Variants in TSPYL2 observed in about 807,000 individuals in gnomAD.
TSPYL2 encodes TSPY like 2, also known as testis-specific Y-encoded-like protein 2.
In TSPYL2, 9 loss-of-function variants were observed where a neutral mutation model predicts 33.0. The ratio of observed to expected loss-of-function variants is 0.27; its 90% CI spans 0.16 to 0.48. The LOEUF (loss-of-function observed/expected upper bound fraction) is 0.48, where lower values mean the gene tolerates loss of function less well. TSPYL2 is among the 20% of genes least tolerant of loss of function. The probability of loss-of-function intolerance (pLI) is 0.99; values close to 1 mark genes in which losing one functional copy is unlikely to be tolerated. For missense variants in TSPYL2, 636 were observed against 586.2 expected (o/e 1.08, Z -0.88); for synonymous variants, 330 against 233.6 (o/e 1.41, Z -3.77).
In TSPYL2 at chrX:53,084,565, T is replaced by A; in HGVS notation, c.828T>A (p.Ile276=). 3 of 1,175,243 alleles carry A rather than the reference T, an allele frequency of 2.6e-6. No homozygotes were observed. The highest frequency in any genetic ancestry group is 2.3e-6 in the Non-Finnish European group (2 of 876,066). Residue 276 remains isoleucine (I), a synonymous_variant, in exon 2 of 7, where the codon ATT becomes ATA. Transcript: ENST00000375442. ...WVKAFLNHPR[I]SILINRRDED... is the part of the protein sequence containing the mutation. ...ATCAGTTCCTCAACCACCCCAGAAT[T>A]TCAATTTTGATCAACCGACGTGATG...
At chrX:53,083,782 C>G (rs1254014528) in intron 1 of TSPYL2, among the ~76,000 whole-genome samples, 2 of 110,869 alleles carry the variant, frequency 1.8e-5, no homozygotes, top group Non-Finnish European at 3.8e-5. Flanking sequence ...CTCTGTAAAC[C>G]TAGATTTTTG....
intron 6 of TSPYL2, 164 bp from the exon 7 acceptor site, chrX:53,087,612 A>T (rs1483634697): frequency 1.3e-5 from 6 of 479,403 alleles, no homozygotes; most frequent in Non-Finnish European, 2.1e-5. Flanking sequence ...GCTTGAGTAC[A>T]CCCACACACA....
chrX:53,085,879 A>G lies in TSPYL2; in HGVS notation c.1487A>G (p.Asn496Ser), dbSNP rs1556808459. 1 of 1,209,763 alleles carries G rather than the reference A, an allele frequency of 8.3e-7. No homozygotes were observed. The highest frequency in any genetic ancestry group is 1.8e-5 in the African/African-American group (1 of 57,035). ...EVPNNETTDNNESADDHETTD... is the reference protein window; with the variant it reads ...EVPNNETTDNSESADDHETTD... ...CCCAACAACGAGACCACTGATAACA[A>G]CGAGAGTGCTGATGACCACGAAACC... Residue 496 changes from asparagine to serine, a missense_variant, in exon 6 of 7, where the codon AAC becomes AGC. Around this residue, in one of 3 missense-constraint regions of TSPYL2, gnomAD observed 401 missense variants for 363.0 expected, o/e 1.10. Coordinates refer to ENST00000375442, the MANE Select transcript of TSPYL2 (RefSeq NM_022117.4).
At chrX:53,085,192 A>G (rs1556808125) in intron 4 of TSPYL2, 35 bp from the exon 5 acceptor site, 2 of 1,186,814 alleles carry the variant, frequency 1.7e-6, no homozygotes, top group Non-Finnish European at 1.1e-6. Flanking sequence ...GCTTGTACTA[A>G]TGGCTGTCTT....
Position 53,082,396 on chromosome X carries a change from G to T in TSPYL2, c.-103G>T, listed in dbSNP as rs979235693. On this transcript the variant is annotated 5_prime_UTR_variant, in exon 1 of 7. Coordinates refer to ENST00000375442, the MANE Select transcript of TSPYL2 (RefSeq NM_022117.4). ...CGAGGTGGTGAGGAGAGCTGGTTGC[G>T]TGAGTCTCCTCAGCTCTGCTTACCG... 34 of 803,208 alleles carry T rather than the reference G, an allele frequency of 4.2e-5. 1 individual carries two copies. The highest frequency in any genetic ancestry group is 8.4e-5 in the Admixed American group (2 of 23,721). The allele number at this position is 803,208 out of a possible 1,213,427, so 66.2% of individuals were successfully genotyped here.
At position 53,087,749 on chromosome X, in the gene TSPYL2, C is replaced by T. The variant is rs782606913; in HGVS notation, c.1919-27C>T. 11 of 1,187,464 alleles carry T rather than the reference C, an allele frequency of 9.3e-6. No individual in the cohort carries two copies. The Admixed American group carries it at 1.2e-4, about 13-fold the overall frequency. On this transcript the variant is annotated intron_variant, in intron 6 of 6. Coordinates refer to ENST00000375442, the MANE Select transcript of TSPYL2 (RefSeq NM_022117.4). Reference sequence around the variant, plus strand: ...CTCATCTAACTGCCTTCCTCCATTTCCCCTTCCTTGCTTCTCCCCTATGCA... The same window carrying T: ...CTCATCTAACTGCCTTCCTCCATTTTCCCTTCCTTGCTTCTCCCCTATGCA...
At chrX:53,086,715 G>A (rs1932771330) in intron 6 of TSPYL2, 1 of 168,513 alleles carries the variant, frequency 5.9e-6, no homozygotes, top group Admixed American at 7.9e-5. Flanking sequence ...AGTGAACAGT[G>A]TGCTCTCTGA....
intron 6 of TSPYL2, 172 bp from the exon 7 acceptor site, chrX:53,087,604 T>C (rs1388367964): frequency 2.2e-6 from 1 of 460,618 alleles, no homozygotes; most frequent in East Asian, 3.7e-5. Context: ...GTGGGCTTGC[T>C]TGAGTACACC....
intron 1 of TSPYL2, 110 bp from the exon 2 acceptor site, chrX:53,084,435 C>A: frequency 1.5e-6 from 1 of 659,174 alleles, no homozygotes; most frequent in Non-Finnish European, 2.3e-6. Context: ...ACCACATAAG[C>A]ACAGAAGGAA....
At chrX:53,083,743 C>T (rs1315302469) in intron 1 of TSPYL2, among the ~76,000 whole-genome samples, 1 of 110,749 alleles carries the variant, frequency 9.0e-6, no homozygotes, top group African/African-American at 3.3e-5. Flanking sequence ...AGAGAAACTG[C>T]CCAGAAAGGG....
rs781871680 is a variant in TSPYL2 at position 53,082,566 on chromosome X, G to T, written c.68G>T (p.Arg23Leu). 15 of 1,152,226 alleles carry T rather than the reference G, an allele frequency of 1.3e-5. No individual in the cohort carries two copies. The South Asian group carries it at 2.7e-4, about 21-fold the overall frequency. 95.0% of individuals were successfully genotyped at this position (1,152,226 alleles called of 1,213,427 possible). A position where few individuals can be genotyped will look rare whatever the true frequency, so the allele number is the denominator to read the frequency against. ...RRLSSSESPQRDPPPPPPPPP... is the reference protein window; with the variant it reads ...RRLSSSESPQLDPPPPPPPPP... ...CTGAGCAGCTCCGAGTCTCCACAGC[G>T]CGACCCGCCCCCGCCGCCGCCGCCG... is the stretch of plus-strand genomic sequence containing the variant. The change falls in exon 1 of 7, where the codon CGC (arginine) becomes CTC (leucine). Residue 23 changes from arginine (R) to leucine (L), a missense_variant. By Grantham distance (102) the Arg-to-Leu change is moderately radical. This residue lies in a region of TSPYL2 where 231 missense variants were observed against 201.6 expected (regional missense o/e 1.15). Transcript: ENST00000375442.
Position 53,082,765 on chromosome X carries a change from G to C in TSPYL2, c.267G>C (p.Thr89=). ...AGGGGGGGATCCGCGCATACTTCAC[G>C]CTCGGTGCTGAGTGTCCCGGCTGGG... ...LEEGGIRAYF[T]LGAECPGWDS... The change falls in exon 1 of 7, where the codon ACG becomes ACC. Residue 89 remains threonine (T), a synonymous_variant. Coordinates refer to ENST00000375442, the MANE Select transcript of TSPYL2 (RefSeq NM_022117.4). The C allele has an allele frequency of 8.4e-7, 1 of 1,188,504 alleles. No homozygotes were observed. Among genetic ancestry groups the C allele is most frequent in the Non-Finnish European group, 1.1e-6 (1 of 885,998 alleles).
chrX:53,083,116 G>T lies in TSPYL2; in HGVS notation c.618G>T (p.Glu206Asp). 8.3e-7 allele frequency: 1 copy of T among 1,210,512 alleles called. No individual in the cohort carries two copies. Among genetic ancestry groups the T allele is most frequent in the South Asian group, 1.8e-5 (1 of 56,809 alleles). ...KQRKVKRESR[E>D]RNAERMESIL... Reference sequence around the variant, plus strand: ...GGAAGGTGAAGAGGGAAAGCAGAGAGAGAAATGCCGAGAGGATGGAGAGCA... The same window carrying T: ...GGAAGGTGAAGAGGGAAAGCAGAGATAGAAATGCCGAGAGGATGGAGAGCA... Residue 206 changes from glutamate (E) to aspartate (D), a missense_variant, in exon 1 of 7, where the codon GAG becomes GAT. Around this residue, in one of 3 missense-constraint regions of TSPYL2, gnomAD observed 231 missense variants for 201.6 expected, o/e 1.15. Coordinates refer to ENST00000375442, the MANE Select transcript of TSPYL2 (RefSeq NM_022117.4).
At position 53,085,278 on chromosome X, in the gene TSPYL2, A is replaced by G. The variant is rs1556808164; in HGVS notation, c.1195A>G (p.Arg399Gly). ...VNPLRYYLRERGSRIKRKKQE... is the reference protein window; with the variant it reads ...VNPLRYYLREGGSRIKRKKQE... ...CCCTCTACGCTACTACCTGAGAGAA[A>G]GGGGCTCCAGGATAAAGAGAAAGAA... Residue 399 changes from arginine (R) to glycine (G), a missense_variant, in exon 5 of 7, where the codon AGG becomes GGG. By Grantham distance (125) the Arg-to-Gly change is moderately radical. This residue lies in a region of TSPYL2 where 401 missense variants were observed against 363.0 expected (regional missense o/e 1.10). Coordinates refer to ENST00000375442, the MANE Select transcript of TSPYL2 (RefSeq NM_022117.4). 17 of 1,207,832 alleles carry G rather than the reference A, an allele frequency of 1.4e-5. No individual in the cohort carries two copies. The highest frequency in any genetic ancestry group is 3.5e-5 in the African/African-American group (2 of 57,125).
chrX:53,085,730 A>G lies in TSPYL2; in HGVS notation c.1338A>G (p.Thr446=), dbSNP rs782800669. The G allele has an allele frequency of 2.7e-5, 33 of 1,211,426 alleles. No homozygotes were observed. The highest frequency in any genetic ancestry group is 3.7e-5 in the Non-Finnish European group (33 of 895,069). The change falls in exon 6 of 7, where the codon ACA becomes ACG. Residue 446 remains threonine, a synonymous_variant. Coordinates refer to ENST00000375442, the MANE Select transcript of TSPYL2 (RefSeq NM_022117.4). The part of the protein sequence containing the change: ...IFSEISDIDE[T]IHDIKISDFM... ...GCGAGATCTCAGACATTGATGAGAC[A>G]ATTCATGACATCAAGATCTCTGACT...
chrX:53,087,714 C>T (rs1482285935), intron 6 of TSPYL2, 62 bp from the exon 7 acceptor site: 53 of 1,117,428 alleles, frequency 4.7e-5, no homozygotes, highest in Non-Finnish European at 6.0e-5. Flanking sequence ...TTTAGAGTGA[C>T]ACCTATCTGC....
chrX:53,086,447 A>G (rs1556808769), intron 6 of TSPYL2, 137 bp downstream of exon 6: 9 of 586,427 alleles, frequency 1.5e-5, no homozygotes, highest in East Asian at 7.0e-5. Context: ...AACTTTTTAA[A>G]CAAAGGAAGT....
At chrX:53,083,870 C>A (rs1198176633) in intron 1 of TSPYL2, among the ~76,000 whole-genome samples, 4 of 111,360 alleles carry the variant, frequency 3.6e-5, no homozygotes, top group Non-Finnish European at 5.7e-5. Flanking sequence ...CCTGAAAGAT[C>A]AAGAGAGGGA....
intron 5 of TSPYL2, 92 bp downstream of exon 5, chrX:53,085,413 T>C (rs1556808232): frequency 1.2e-6 from 1 of 829,992 alleles, no homozygotes; most frequent in East Asian, 3.2e-5. Context: ...AAGGGACCTT[T>C]GAGATAATCC....
Sources: allele counts gnomAD v4.1 joint callset (sites outside exome capture counted in the v4.1 genomes callset), GRCh38; gene constraint gnomAD v4.1.1; regional missense constraint gnomAD v4.1.1; transcripts MANE v1.5; gene names NCBI Gene and HGNC (gene_info 2026-07-23, HGNC 2026-07-21).